FAM47E: variants seen among roughly 807,000 people sequenced by gnomAD.
FAM47E encodes protein FAM47E.
In FAM47E, 32 loss-of-function variants were observed where a neutral mutation model predicts 41.6. The observed-to-expected ratio is 0.77, with a 90% confidence interval of 0.58 to 1.03. The LOEUF (loss-of-function observed/expected upper bound fraction) is 1.03, where lower values mean the gene tolerates loss of function less well. Among genes scored for constraint, FAM47E ranks in the 50% least tolerant of loss-of-function variants. FAM47E has a pLI of 0.00. For synonymous variants in FAM47E, 184 were observed against 188.7 expected, an observed-to-expected ratio of 0.98 and a Z score of 0.20; for missense variants, 424 against 485.4, an observed-to-expected ratio of 0.87 and a Z score of 1.19.
At chr4:76,216,206 G>T (rs1193893444) in intron 1 of FAM47E, among the ~76,000 whole-genome samples, 1 of 152,082 alleles carries the variant, frequency 6.6e-6, no homozygotes, top group Non-Finnish European at 1.5e-5. Flanking sequence ...TCTGCTCTGT[G>T]CCCCAGTTTG....
intron 2 of FAM47E, among the ~76,000 whole-genome samples, chr4:76,218,579 G>T (rs1733255028): frequency 6.6e-6 from 1 of 152,200 alleles, no homozygotes; most frequent in Non-Finnish European, 1.5e-5. Flanking sequence ...TTTCCAGTTT[G>T]TTTTGGTTTG....
chr4:76,244,963 C>T (rs576590769), intron 2 of FAM47E, among the ~76,000 whole-genome samples: 39 of 152,298 alleles, frequency 2.6e-4, no homozygotes, highest in African/African-American at 9.1e-4. Flanking sequence ...CTTCATTCAG[C>T]AATATATTTT....
At chr4:76,268,814 G>A (rs1734757802) in intron 4 of FAM47E, 46 bp downstream of exon 4, 7 of 1,547,434 alleles carry the variant, frequency 4.5e-6, no homozygotes, top group Non-Finnish European at 6.1e-6. Flanking sequence ...TACTACTTTT[G>A]TAAGTTAGTG....
chr4:76,275,427 G>A (rs982566467), intron 5 of FAM47E, among the ~76,000 whole-genome samples: 13 of 151,928 alleles, frequency 8.6e-5, no homozygotes, highest in African/African-American at 2.2e-4. Context: ...TTTCTTTGCC[G>A]TCTATATTAA....
intron 2 of FAM47E, among the ~76,000 whole-genome samples, chr4:76,241,382 A>G (rs955631418): frequency 2.6e-5 from 4 of 152,202 alleles, no homozygotes; most frequent in African/African-American, 9.6e-5. Flanking sequence ...TGCAACAACA[A>G]AACAATGGCT....
exon 1 of FAM47E, chr4:76,214,341 A>G: frequency 2.2e-6 from 1 of 454,440 alleles, no homozygotes; most frequent in Non-Finnish European, 4.4e-6. Flanking sequence ...TGGGGGATGC[A>G]TAAGTTTGTC....
chr4:76,228,589 A>C (rs1441903), intron 2 of FAM47E, among the ~76,000 whole-genome samples: 23,619 of 151,828 alleles, frequency 0.16, 2,135 homozygotes, highest in East Asian at 0.35. Context: ...AAAATACTTT[A>C]TCTCTTATTT....
upstream of FAM47E, among the ~76,000 whole-genome samples, chr4:76,250,125 G>A (rs538062439): frequency 6.6e-6 from 1 of 152,154 alleles, no homozygotes; most frequent in South Asian, 2.1e-4. Context: ...AGTTCTTTAA[G>A]GAATCTCCAC....
intron 2 of FAM47E, among the ~76,000 whole-genome samples, chr4:76,219,959 A>G (rs1422543873): frequency 6.6e-6 from 1 of 152,212 alleles, no homozygotes; most frequent in Non-Finnish European, 1.5e-5. Context: ...TTCATAAATA[A>G]ATACTGTTTC....
chr4:76,261,098 C>T (rs1011185411), intron 2 of FAM47E, among the ~76,000 whole-genome samples: 2 of 151,522 alleles, frequency 1.3e-5, no homozygotes, highest in Non-Finnish European at 2.9e-5. Context: ...AGAGAAAAGC[C>T]GATTAAAACC....
chr4:76,259,288 C>T (rs1157866744), intron 2 of FAM47E, among the ~76,000 whole-genome samples: 1 of 152,180 alleles, frequency 6.6e-6, no homozygotes, highest in Non-Finnish European at 1.5e-5. Context: ...ATTGAGATTC[C>T]TCCAATGTCA....
At chr4:76,275,647 A>G (rs1735065238) in intron 5 of FAM47E, among the ~76,000 whole-genome samples, 1 of 152,150 alleles carries the variant, frequency 6.6e-6, no homozygotes, top group Admixed American at 6.5e-5. Context: ...GGAAGAGGTA[A>G]TCAATTCCAT....
At chr4:76,226,122 A>C (rs925511071) in intron 2 of FAM47E, among the ~76,000 whole-genome samples, 4 of 152,114 alleles carry the variant, frequency 2.6e-5, no homozygotes, top group African/African-American at 9.7e-5. Context: ...CAAAGGAATG[A>C]GACAAGACAA....
intron 2 of FAM47E, among the ~76,000 whole-genome samples, chr4:76,222,747 G>A (rs909154856): frequency 3.9e-5 from 6 of 152,154 alleles, no homozygotes; most frequent in African/African-American, 1.4e-4. Context: ...CTTGCTATAT[G>A]CCAAGCTCTG....
chr4:76,214,300 A>G (rs1358885544), exon 1 of FAM47E: 1 of 456,102 alleles, frequency 2.2e-6, no homozygotes, highest in Non-Finnish European at 4.4e-6. Context: ...TTCTGCCTGG[A>G]TGACCTAGGG....
chr4:76,233,762 A>C (rs548726033), intron 2 of FAM47E, among the ~76,000 whole-genome samples: 31 of 152,310 alleles, frequency 2.0e-4, no homozygotes, highest in Non-Finnish European at 4.0e-4. Flanking sequence ...ACAAAGCCCT[A>C]TCAAGCAGTT....
chr4:76,269,074 G>C, intron 4 of FAM47E: 1 of 310,364 alleles, frequency 3.2e-6, no homozygotes, highest in South Asian at 7.3e-5. Context: ...TTTATTGTTA[G>C]GACTTTCTTT....
chr4:76,283,420 G>C lies in FAM47E; in HGVS notation c.1144G>C (p.Ala382Pro), dbSNP rs1176698191. 6.5e-7 allele frequency: 1 copy of C among 1,548,074 alleles called. No individual in the cohort carries two copies. Among genetic ancestry groups the C allele is most frequent in the Non-Finnish European group, 8.7e-7 (1 of 1,144,056 alleles). The change falls in exon 8 of 8, where the codon GCA becomes CCA. Residue 382 changes from alanine to proline, a missense_variant. Ala to Pro is a conservative substitution (Grantham distance 27). Transcript: ENST00000424749. ...GTATATCGGGAAGGAATGTAAACGT[G>C]CATGTAATAAGACTCCTATAAAACG... is the stretch of plus-strand genomic sequence containing the variant. ...NMYIGKECKR[A>P]CNKTPIKRTQ... is the part of the protein sequence containing the mutation.
intron 2 of FAM47E, among the ~76,000 whole-genome samples, chr4:76,236,830 T>C (rs1157723848): frequency 1.5e-4 from 23 of 152,094 alleles, no homozygotes; most frequent in Non-Finnish European, 3.1e-4. Flanking sequence ...AAGTTCTTAT[T>C]TGCAGAGGAA....
Sources: gnomAD v4.1 joint callset for allele counts (sites outside exome capture counted in the v4.1 genomes callset) on GRCh38, gnomAD v4.1.1 for gene constraint, MANE v1.5 for transcripts, NCBI Gene and HGNC (gene_info 2026-07-23, HGNC 2026-07-21) for gene names.